SPECC1: variants seen among roughly 807,000 people sequenced by gnomAD.
SPECC1 encodes sperm antigen with calponin homology and coiled-coil domains 1.
SPECC1 carries 62 observed loss-of-function variants against 104.1 expected under a neutral mutation model. That is an observed-to-expected ratio of 0.60 (90% CI 0.49 to 0.74). The LOEUF (loss-of-function observed/expected upper bound fraction) is 0.74. SPECC1 is among the 30% of genes least tolerant of loss of function. The probability of loss-of-function intolerance (pLI) is 0.00; values close to 1 mark genes in which losing one functional copy is unlikely to be tolerated. For missense variants in SPECC1, 1,306 were observed against 1,310.5 expected, an observed-to-expected ratio of 1.00 and a Z score of 0.05; for synonymous variants, 513 against 501.6, an observed-to-expected ratio of 1.02 and a Z score of -0.30.
At chr17:20,132,812 T>G (rs2049722333) in intron 3 of SPECC1, among the ~76,000 whole-genome samples, 1 of 152,070 alleles carries the variant, frequency 6.6e-6, no homozygotes, top group Admixed American at 6.6e-5. Context: ...TGATCTCGGC[T>G]CACTGCAAGC....
rs1597701018 is a variant in SPECC1 at position 20,101,097 on chromosome 17, G to A, written c.147+4299G>A. 2.6e-5 allele frequency among the ~76,000 whole-genome samples: 4 copies of A among 152,266 alleles called. No homozygotes were observed. The East Asian group carries it at 5.8e-4, about 22-fold the overall frequency. On this transcript the variant is annotated intron_variant, in intron 2 of 14. Coordinates refer to ENST00000395527, the MANE Select transcript of SPECC1 (RefSeq NM_001243439.2). ...ATGTTTAGGTTGGTTCCAAGTTTTT[G>A]CTATTGAAAATAGTGCTGCAATAAA...
intron 3 of SPECC1, among the ~76,000 whole-genome samples, chr17:20,137,202 C>T (rs779111635): frequency 6.6e-5 from 10 of 152,236 alleles, no homozygotes; most frequent in African/African-American, 1.9e-4. Flanking sequence ...ACATCAAGAA[C>T]GCCTGCACGG....
At chr17:20,150,587 C>T (rs1221356762) in intron 3 of SPECC1, among the ~76,000 whole-genome samples, 3 of 150,892 alleles carry the variant, frequency 2.0e-5, no homozygotes, top group East Asian at 4.0e-4. Flanking sequence ...TGCAGTGAGC[C>T]GAGATCGCAC....
In SPECC1 at chr17:20,205,276, AG is replaced by A. The variant is rs2032150269; in HGVS notation, c.1228del (p.Ala410LeufsTer13). ...AGCAACAAATGGTACAGGAATTGAC[AG>A]CTGAAAATGAGAAGCTGGTGGATGA... is the stretch of plus-strand genomic sequence containing the variant. ...DQQQMVQELT[A>X]ENEKLVDEKT... On this transcript the variant is annotated frameshift_variant, in exon 4 of 15. Coordinates refer to ENST00000395527, the MANE Select transcript of SPECC1 (RefSeq NM_001243439.2). LOFTEE classifies it high-confidence loss of function. 2.1e-5 allele frequency: 34 copies of A among 1,614,256 alleles called. No individual in the cohort carries two copies. The highest frequency in any genetic ancestry group is 2.9e-5 in the Non-Finnish European group (34 of 1,180,046).
intron 13 of SPECC1, 81 bp downstream of exon 13, chr17:20,297,158 C>A: frequency 8.3e-7 from 1 of 1,204,588 alleles, no homozygotes; most frequent in Non-Finnish European, 1.2e-6. Flanking sequence ...TGGGAGGGGG[C>A]TTACAGGCCT....
At chr17:20,175,799 G>C (rs1304925910) in intron 3 of SPECC1, among the ~76,000 whole-genome samples, 1 of 152,196 alleles carries the variant, frequency 6.6e-6, no homozygotes, top group Non-Finnish European at 1.5e-5. Flanking sequence ...GCCTCTGCCG[G>C]GTGGGACAGT....
At chr17:20,151,403 C>T (rs1294260046) in intron 3 of SPECC1, among the ~76,000 whole-genome samples, 13 of 152,186 alleles carry the variant, frequency 8.5e-5, no homozygotes, top group Non-Finnish European at 1.5e-5. Context: ...AGCATTTTTG[C>T]ATCCATCCTG....
chr17:20,264,459 T>G (rs2040147047), intron 12 of SPECC1, among the ~76,000 whole-genome samples: 1 of 15,212 alleles, frequency 6.6e-5, no homozygotes. Context: ...GGAGACGGAT[T>G]TTTTTTTTTT....
rs750458651 is a variant in SPECC1 at position 20,306,006 on chromosome 17, T to C, written c.3058-17T>C. ...TTTTAAATTACTGATTCCAGTCTCTTTGTCTTTTTAACTTAGAAGAGGAAT... is the reference window on the plus strand; with the variant it reads ...TTTTAAATTACTGATTCCAGTCTCTCTGTCTTTTTAACTTAGAAGAGGAAT... On this transcript the variant is annotated splice_polypyrimidine_tract_variant and intron_variant, in intron 13 of 14. Transcript: ENST00000395527. 16 of 1,612,590 alleles carry C rather than the reference T, an allele frequency of 9.9e-6. No individual in the cohort carries two copies. In the East Asian group the frequency reaches 1.3e-4, roughly 13 times the overall value.
rs560120614 is a variant in SPECC1 at position 20,316,316 on chromosome 17, G to A, written c.*2251G>A. ...ATGTGGGGAGGCAGTTGCTGTCTTG[G>A]GATACCCGGAGTGGGAGTGGGTGTT... is the stretch of plus-strand genomic sequence containing the variant. On this transcript the variant is annotated 3_prime_UTR_variant, in exon 15 of 15. Coordinates refer to ENST00000395527, the MANE Select transcript of SPECC1 (RefSeq NM_001243439.2). 10 of 230,762 alleles carry A rather than the reference G, an allele frequency of 4.3e-5. No individual in the cohort carries two copies. Among genetic ancestry groups the A allele is most frequent in the Non-Finnish European group, 8.6e-5 (10 of 116,570 alleles). The allele number at this position is 230,762 out of a possible 1,614,324, so 14.3% of individuals were successfully genotyped here.
At chr17:20,267,847 T>C (rs1431420374) in intron 12 of SPECC1, among the ~76,000 whole-genome samples, 1 of 152,130 alleles carries the variant, frequency 6.6e-6, no homozygotes, top group African/African-American at 2.4e-5. Context: ...CCCTCAGACC[T>C]CAGCCAGGCC....
chr17:20,121,740 C>T (rs945545669), intron 3 of SPECC1, among the ~76,000 whole-genome samples: 2 of 152,132 alleles, frequency 1.3e-5, no homozygotes, highest in African/African-American at 4.8e-5. Flanking sequence ...TGTGCAGGGT[C>T]CTCCCTGCCT....
intron 3 of SPECC1, among the ~76,000 whole-genome samples, chr17:20,142,028 A>G (rs1183670889): frequency 6.6e-6 from 1 of 152,188 alleles, no homozygotes; most frequent in African/African-American, 2.4e-5. Flanking sequence ...GAATAGTGTC[A>G]TGTACAAATA....
chr17:20,019,043 A>G (rs930484036), intron 1 of SPECC1, among the ~76,000 whole-genome samples: 3 of 152,108 alleles, frequency 2.0e-5, no homozygotes, highest in African/African-American at 7.2e-5. Context: ...CCCAGGTGCC[A>G]GCCAAGGATT....
intron 2 of SPECC1, among the ~76,000 whole-genome samples, chr17:20,097,033 G>A (rs1231950102): frequency 6.6e-6 from 1 of 152,168 alleles, no homozygotes; most frequent in Non-Finnish European, 1.5e-5. Flanking sequence ...AGTAATTAAG[G>A]TCCTCTGCCC....
chr17:20,133,477 G>A lies in SPECC1; in HGVS notation c.283+22915G>A, dbSNP rs114584067. Reference sequence around the variant, plus strand: ...AAAAGAATCTACCTGCCTTAGTGTGGTGTACCTTGCCCAGTGTTTCAGGCT... The same window carrying A: ...AAAAGAATCTACCTGCCTTAGTGTGATGTACCTTGCCCAGTGTTTCAGGCT... On this transcript the variant is annotated intron_variant, in intron 3 of 14. Coordinates refer to ENST00000395527, the MANE Select transcript of SPECC1 (RefSeq NM_001243439.2). Among the ~76,000 whole-genome samples the A allele has an allele frequency of 7.8e-3, 1,178 of 151,906 alleles. 18 individuals are homozygous for A. Among genetic ancestry groups the A allele is most frequent in the African/African-American group, 0.027 (1,121 of 41,436 alleles).
chr17:20,243,036 A>C (rs2039272686), intron 7 of SPECC1, among the ~76,000 whole-genome samples: 1 of 152,234 alleles, frequency 6.6e-6, no homozygotes, highest in African/African-American at 2.4e-5. Flanking sequence ...AGAGCCAATC[A>C]TGAAATGCTG....
intron 3 of SPECC1, among the ~76,000 whole-genome samples, chr17:20,186,308 T>C (rs992667663): frequency 6.6e-6 from 1 of 152,096 alleles, no homozygotes. Flanking sequence ...AAGTGTGCAA[T>C]AGCATTACAT....
chr17:20,314,086 C>A lies in SPECC1; in HGVS notation c.*21C>A, dbSNP rs1182688253. ...CGTAACCCTGGAGGGCCTGGGGCAG[C>A]CACCATTGCCACCTACTGCAGCTTT... On this transcript the variant is annotated 3_prime_UTR_variant, in exon 15 of 15. Transcript: ENST00000395527. The A allele has an allele frequency of 6.3e-7, 1 of 1,599,830 alleles. No individual in the cohort carries two copies.
Sources: allele counts gnomAD v4.1 joint callset (sites outside exome capture counted in the v4.1 genomes callset), GRCh38; gene constraint gnomAD v4.1.1; transcripts MANE v1.5; gene names NCBI Gene and HGNC (gene_info 2026-07-23, HGNC 2026-07-21).